Variants in PCDHGB6 observed in about 807,000 individuals in gnomAD.
PCDHGB6 encodes the protein protocadherin gamma subfamily B, 6, also known as protocadherin gamma-B6.
In PCDHGB6, 51 loss-of-function variants were observed where a neutral mutation model predicts 59.1. That is an observed-to-expected ratio of 0.86 (90% CI 0.69 to 1.09). PCDHGB6 has a LOEUF of 1.09. Among genes scored for constraint, PCDHGB6 ranks in the 50% least tolerant of loss-of-function variants. PCDHGB6 has a pLI of 0.00. For synonymous variants in PCDHGB6, 466 were observed against 495.1 expected (o/e 0.94, Z 0.78); for missense variants, 1,148 against 1,205.1 (o/e 0.95, Z 0.70).
intron 1 of PCDHGB6, among the ~76,000 whole-genome samples, chr5:141,462,493 A>G (rs1432919197): frequency 2.0e-5 from 3 of 152,144 alleles, no homozygotes; most frequent in South Asian, 4.1e-4. Context: ...GTTGTATCCT[A>G]TAATTGTCAA....
chr5:141,460,924 A>ATATATG (rs1561985817), intron 1 of PCDHGB6, among the ~76,000 whole-genome samples: 1 of 150,496 alleles, frequency 6.6e-6, no homozygotes, highest in African/African-American at 2.4e-5. Flanking sequence ...ATATATATAT[A>ATATATG]TGTGTGTGTG....
rs569362520 is a variant in PCDHGB6 at position 141,415,063 on chromosome 5, G to T, written c.2418+4443G>T. ...CGCGGTGGGGGAGCACACGGGCGAG[G>T]TGCGCACGGCGCGAGCCCTGCTGGA... On this transcript the variant is annotated intron_variant, in intron 1 of 3. Coordinates refer to ENST00000520790, the MANE Select transcript of PCDHGB6 (RefSeq NM_018926.3). The T allele has an allele frequency of 3.1e-6, 5 of 1,613,432 alleles. No individual in the cohort carries two copies. The highest frequency in any genetic ancestry group is 3.3e-5 in the Admixed American group (2 of 60,008).
At chr5:141,496,050 G>A (rs1232836015) in intron 2 of PCDHGB6, among the ~76,000 whole-genome samples, 2 of 149,892 alleles carry the variant, frequency 1.3e-5, no homozygotes, top group Non-Finnish European at 3.0e-5. Flanking sequence ...ATTTTTTTGT[G>A]CTTGTGGGCA....
rs888457230 is a variant in PCDHGB6, at chr5:141,493,727, C to T, written c.2419-1080C>T. On this transcript the variant is annotated intron_variant, in intron 1 of 3. Transcript: ENST00000520790. This position sits in a 1 kb window ranked among gnomAD's most constrained non-coding sequence, Gnocchi z 4.3. ...TGGAATGCTAGGTTTCTGGGTTCTG[C>T]TCATATCACTGCCACCTGTGAGCCT... Among the ~76,000 whole-genome samples, 2 of 152,184 alleles carry T rather than the reference C, an allele frequency of 1.3e-5. No homozygotes were observed. Among genetic ancestry groups the T allele is most frequent in the Admixed American group, 6.5e-5 (1 of 15,280 alleles).
chr5:141,433,220 T>A (rs781745522), intron 1 of PCDHGB6: 2 of 1,509,720 alleles, frequency 1.3e-6, no homozygotes, highest in Non-Finnish European at 1.8e-6. Flanking sequence ...TTTTTTTTTT[T>A]AATTGCTCTG....
At chr5:141,478,870 G>A (rs1463992722) in intron 1 of PCDHGB6, 6 of 1,273,242 alleles carry the variant, frequency 4.7e-6, no homozygotes, top group Non-Finnish European at 5.2e-6. Flanking sequence ...AGCGATCAGA[G>A]TTTAGCTTGG....
rs151119016 is a variant in PCDHGB6, at chr5:141,489,949, G to C, written c.2419-4858G>C. On this transcript the variant is annotated intron_variant, in intron 1 of 3. Transcript: ENST00000520790. The surrounding 1 kb of genome is among the most constrained non-coding windows in gnomAD (Gnocchi z 4.5). ...CTCTGTCATCGTGCTGGACATCAAT[G>C]ATAATGCTCCAACCTTCCAATCCTC... is the stretch of plus-strand genomic sequence containing the variant. 1 of 1,614,198 alleles carries C rather than the reference G, an allele frequency of 6.2e-7. No individual in the cohort carries two copies. Among genetic ancestry groups the C allele is most frequent in the Non-Finnish European group, 8.5e-7 (1 of 1,180,028 alleles).
At chr5:141,434,392 C>T (rs906051301) in intron 1 of PCDHGB6, among the ~76,000 whole-genome samples, 4 of 152,210 alleles carry the variant, frequency 2.6e-5, no homozygotes, top group African/African-American at 9.6e-5. Context: ...TGGCCATAAA[C>T]AAAATCTCTG....
chr5:141,474,488 A>C (rs2099350464), intron 1 of PCDHGB6, among the ~76,000 whole-genome samples: 1 of 152,208 alleles, frequency 6.6e-6, no homozygotes. Flanking sequence ...AATGTATTCT[A>C]TCTTCTAATG....
intron 1 of PCDHGB6, chr5:141,419,629 G>T: frequency 6.2e-7 from 1 of 1,612,444 alleles, no homozygotes; most frequent in Non-Finnish European, 8.5e-7. Context: ...TGGTGACCAA[G>T]GTGGTGGCCG....
At chr5:141,417,213 G>A (rs1470553702) in intron 1 of PCDHGB6, 2 of 152,108 alleles carry the variant, frequency 1.3e-5, no homozygotes, top group African/African-American at 4.8e-5. Context: ...GGCTAGAATT[G>A]AAGACAAAAA....
chr5:141,412,975 C>G (rs1221821871), intron 1 of PCDHGB6: 3 of 532,642 alleles, frequency 5.6e-6, no homozygotes, highest in Non-Finnish European at 9.7e-6. Flanking sequence ...AGAGAAAACG[C>G]AGCCAGAGCT....
chr5:141,449,497 G>A (rs903338878), intron 1 of PCDHGB6, among the ~76,000 whole-genome samples: 4 of 149,856 alleles, frequency 2.7e-5, no homozygotes, highest in African/African-American at 9.9e-5. Flanking sequence ...GGTGAGGCAT[G>A]AGAAATGCTT....
At chr5:141,414,531 C>A in intron 1 of PCDHGB6, 1 of 1,613,960 alleles carries the variant, frequency 6.2e-7, no homozygotes, top group Non-Finnish European at 8.5e-7. Context: ...TCAATGACAA[C>A]CCACCTACCT....
Position 141,432,148 on chromosome 5 carries a change from G to C in PCDHGB6, c.2418+21528G>C. ...CCTCCTATTCCGCTTATATCCCAGA[G>C]AACAATCCCAGAGGAGTTTCCCTCG... On this transcript the variant is annotated intron_variant, in intron 1 of 3. Coordinates refer to ENST00000520790, the MANE Select transcript of PCDHGB6 (RefSeq NM_018926.3). The surrounding 1 kb of genome is among the most constrained non-coding windows in gnomAD (Gnocchi z 6.0). 6.2e-7 allele frequency: 1 copy of C among 1,614,002 alleles called. No individual in the cohort carries two copies. Among genetic ancestry groups the C allele is most frequent in the East Asian group, 2.2e-5 (1 of 44,876 alleles).
intron 1 of PCDHGB6, among the ~76,000 whole-genome samples, chr5:141,460,951 G>GTATA (rs200454978): frequency 7.9e-5 from 11 of 139,774 alleles, no homozygotes; most frequent in Middle Eastern, 3.7e-3. Context: ...TATGTATTAT[G>GTATA]TATATATATA....
chr5:141,459,506 A>G (rs1156362858), intron 1 of PCDHGB6, among the ~76,000 whole-genome samples: 1 of 152,236 alleles, frequency 6.6e-6, no homozygotes, highest in East Asian at 1.9e-4. Flanking sequence ...GATGTGAACA[A>G]TCATGTACAA....
Position 141,485,089 on chromosome 5 carries a change from G to A in PCDHGB6, c.2419-9718G>A. The stretch of plus-strand genomic sequence containing the variant: ...GAGCTGGCGCGGGGAAAGGGAGATA[G>A]GTGTCTCCAGCTGCTGTGGCTGTTT... On this transcript the variant is annotated intron_variant, in intron 1 of 3. Coordinates refer to ENST00000520790, the MANE Select transcript of PCDHGB6 (RefSeq NM_018926.3). This position sits in a 1 kb window ranked among gnomAD's most constrained non-coding sequence, Gnocchi z 5.7. 1 of 1,027,236 alleles carries A rather than the reference G, an allele frequency of 9.7e-7. No homozygotes were observed. The highest frequency in any genetic ancestry group is 1.5e-6 in the Non-Finnish European group (1 of 674,564). 63.6% of individuals were successfully genotyped at this position (1,027,236 alleles called of 1,614,324 possible). A position where few individuals can be genotyped will look rare whatever the true frequency, so the allele number is the denominator to read the frequency against.
chr5:141,424,880 C>G (rs2096845847), intron 1 of PCDHGB6, among the ~76,000 whole-genome samples: 1 of 152,162 alleles, frequency 6.6e-6, no homozygotes, highest in Admixed American at 6.5e-5. Context: ...GGAAAGGAGA[C>G]TTATCTAGGG....
Sources: allele counts gnomAD v4.1 joint callset (sites outside exome capture counted in the v4.1 genomes callset), GRCh38; gene constraint gnomAD v4.1.1; non-coding constraint Gnocchi (gnomAD v3.1); transcripts MANE v1.5; gene names NCBI Gene and HGNC (gene_info 2026-07-23, HGNC 2026-07-21).